ROCK1: variants seen among roughly 807,000 people sequenced by gnomAD.
The protein encoded by ROCK1 is Rho associated coiled-coil containing protein kinase 1.
A neutral mutation model predicts 196.8 loss-of-function variants in ROCK1; 36 were observed. The observed-to-expected ratio is 0.18, with a 90% CI of 0.14 to 0.24. ROCK1 has a LOEUF of 0.24. Ranked by LOEUF, ROCK1 falls within the 10% of genes least tolerant of loss-of-function variation. The pLI is 1.00. For synonymous variants in ROCK1, 443 were observed against 515.9 expected, an observed-to-expected ratio of 0.86 and a Z score of 1.91; for missense variants, 920 against 1,562.0, an observed-to-expected ratio of 0.59 and a Z score of 6.93.
intron 22 of ROCK1, among the ~76,000 whole-genome samples, chr18:20,971,461 G>A (rs1485370180): frequency 7.9e-5 from 12 of 151,812 alleles, no homozygotes; most frequent in Non-Finnish European, 1.6e-4. Flanking sequence ...ACAGCAGGCC[G>A]GAAGCAGTGG....
intron 16 of ROCK1, among the ~76,000 whole-genome samples, chr18:20,995,702 C>T (rs1215387108): frequency 1.3e-5 from 2 of 152,056 alleles, no homozygotes; most frequent in Non-Finnish European, 2.9e-5. Flanking sequence ...GGCAGCTCAG[C>T]GCAGAGAGAC....
intron 16 of ROCK1, among the ~76,000 whole-genome samples, chr18:21,004,879 A>G (rs2035755363): frequency 6.6e-6 from 1 of 152,202 alleles, no homozygotes; most frequent in Non-Finnish European, 1.5e-5. Context: ...TCCCTGAGAA[A>G]TATGATTGCA....
In ROCK1 at chr18:20,969,125, C is replaced by T. The variant is rs937157078; in HGVS notation, c.2904G>A (p.Lys968=). The T allele has an allele frequency of 1.9e-6, 3 of 1,583,858 alleles. No homozygotes were observed. Among genetic ancestry groups the T allele is most frequent in the African/African-American group, 1.3e-5 (1 of 74,394 alleles). ...AAAAATTCTACATACCTTCCTCTGC[C>T]TTCTTCATTTTCTCTGTTAGCTCTT... is the stretch of plus-strand genomic sequence containing the variant. ...ENEELTEKMK[K]AEEEYKLEKE... is the part of the protein sequence containing the mutation. Residue 968 remains lysine, a synonymous_variant, in exon 24 of 33, where the codon AAG becomes AAA. Coordinates refer to ENST00000399799, the MANE Select transcript of ROCK1 (RefSeq NM_005406.3).
chr18:20,976,277 T>G (rs1275647377), intron 22 of ROCK1, among the ~76,000 whole-genome samples: 2 of 152,208 alleles, frequency 1.3e-5, no homozygotes, highest in African/African-American at 4.8e-5. Context: ...TAATCAATAA[T>G]TCCATATTCT....
At chr18:21,034,183 A>G (rs552286510) in intron 9 of ROCK1, among the ~76,000 whole-genome samples, 16 of 152,300 alleles carry the variant, frequency 1.1e-4, no homozygotes, top group Non-Finnish European at 1.9e-4. Flanking sequence ...TCCTGTGTTC[A>G]TGGACTGGAA....
chr18:20,978,978 ACTAGTT>A (rs2035505410), intron 22 of ROCK1, among the ~76,000 whole-genome samples: 1 of 152,216 alleles, frequency 6.6e-6, no homozygotes, highest in Admixed American at 6.5e-5. Flanking sequence ...ATGTTGGAAA[ACTAGTT>A]CTAGTGTCTG....
intron 29 of ROCK1, among the ~76,000 whole-genome samples, chr18:20,958,835 G>T (rs1330355445): frequency 2.6e-4 from 35 of 134,716 alleles, no homozygotes; most frequent in African/African-American, 9.5e-4. Context: ...ATTTTTTAAA[G>T]AAATTTCTAT....
chr18:21,087,232 A>T (rs1430788631), intron 1 of ROCK1, among the ~76,000 whole-genome samples: 1 of 152,204 alleles, frequency 6.6e-6, no homozygotes, highest in Non-Finnish European at 1.5e-5. Flanking sequence ...TAAATGTTCA[A>T]GTGGCCCAGG....
In ROCK1 at chr18:21,110,820, G is replaced by A. The variant is rs756882396; in HGVS notation, c.91C>T (p.Leu31=). The change falls in exon 1 of 33, where the codon CTG becomes TTG. Residue 31 remains leucine (L), a splice_region_variant and synonymous_variant. Coordinates refer to ENST00000399799, the MANE Select transcript of ROCK1 (RefSeq NM_005406.3). ...CAAAAGAGAACAGCGCTACTCACCA[G>A]CAAACAATCCGAATTCACTTCCGAT... The part of the protein sequence containing the change: ...PKSEVNSDCL[L]DGLDALVYDL... 6.2e-7 allele frequency: 1 copy of A among 1,613,282 alleles called. No homozygotes were observed. Among genetic ancestry groups the A allele is most frequent in the South Asian group, 1.1e-5 (1 of 91,060 alleles).
chr18:21,069,480 CTA>C (rs1204853475), intron 2 of ROCK1, among the ~76,000 whole-genome samples: 1 of 152,038 alleles, frequency 6.6e-6, no homozygotes, highest in Non-Finnish European at 1.5e-5. Context: ...ATTAATGTCT[CTA>C]TTTATAAAAT....
intron 2 of ROCK1, among the ~76,000 whole-genome samples, chr18:21,057,089 T>C (rs552215787): frequency 1.7e-4 from 26 of 152,344 alleles, no homozygotes; most frequent in Admixed American, 5.2e-4. Context: ...ACAAAATTAG[T>C]TTTATGCAAA....
chr18:21,072,484 G>T (rs2036394141), intron 1 of ROCK1, among the ~76,000 whole-genome samples: 2 of 152,178 alleles, frequency 1.3e-5, no homozygotes, highest in Admixed American at 1.3e-4. Flanking sequence ...ACAATGCAAG[G>T]AATGTGTATG....
At chr18:21,094,991 G>C (rs1371594824) in intron 1 of ROCK1, among the ~76,000 whole-genome samples, 1 of 148,050 alleles carries the variant, frequency 6.8e-6, no homozygotes, top group Non-Finnish European at 1.5e-5. Context: ...CAAAGGTTGC[G>C]GTGAGCCAAG....
At chr18:20,966,250 G>GTTAAA (rs2035373241) in intron 27 of ROCK1, among the ~76,000 whole-genome samples, 1 of 152,002 alleles carries the variant, frequency 6.6e-6, no homozygotes, top group African/African-American at 2.4e-5. Context: ...AGTACATAAA[G>GTTAAA]GTATTATAGT....
intron 16 of ROCK1, among the ~76,000 whole-genome samples, chr18:21,005,533 G>C (rs753630062): frequency 6.6e-6 from 1 of 152,176 alleles, no homozygotes; most frequent in Non-Finnish European, 1.5e-5. Flanking sequence ...GAGTACCTGT[G>C]AGGGTGAAGA....
At chr18:21,026,929 C>T (rs977257503) in intron 10 of ROCK1, among the ~76,000 whole-genome samples, 3 of 148,328 alleles carry the variant, frequency 2.0e-5, no homozygotes, top group Non-Finnish European at 3.0e-5. Context: ...GTTTAGATTT[C>T]TTTTTCTTTC....
intron 21 of ROCK1, among the ~76,000 whole-genome samples, chr18:20,981,196 C>T (rs957889366): frequency 6.6e-6 from 1 of 151,936 alleles, no homozygotes; most frequent in African/African-American, 2.4e-5. Flanking sequence ...AGATCGAAAC[C>T]ATCCTGGTTA....
At chr18:20,994,695 T>A (rs544427404) in intron 16 of ROCK1, among the ~76,000 whole-genome samples, 1 of 152,318 alleles carries the variant, frequency 6.6e-6, no homozygotes, top group South Asian at 2.1e-4. Context: ...ATAAACTATA[T>A]GGGTTGAATC....
At chr18:21,086,494 T>C (rs867190475) in intron 1 of ROCK1, among the ~76,000 whole-genome samples, 46 of 152,132 alleles carry the variant, frequency 3.0e-4, no homozygotes, top group African/African-American at 1.1e-3. Flanking sequence ...ACCTTGATCA[T>C]GGAAAAGAAA....
Sources: gnomAD v4.1 joint callset for allele counts (sites outside exome capture counted in the v4.1 genomes callset) on GRCh38, gnomAD v4.1.1 for gene constraint, MANE v1.5 for transcripts, NCBI Gene and HGNC (gene_info 2026-07-23, HGNC 2026-07-21) for gene names.